RXRA: variants seen among roughly 807,000 people sequenced by gnomAD.
RXRA encodes retinoid X receptor alpha.
In RXRA, 5 loss-of-function variants were observed where a neutral mutation model predicts 44.5. The observed-to-expected ratio is 0.11, with a 90% CI of 0.06 to 0.24. The LOEUF is 0.24. Ranked by LOEUF, RXRA falls within the 10% of genes least tolerant of loss-of-function variation. The pLI is 1.00. For missense variants in RXRA, 412 were observed against 646.5 expected, an observed-to-expected ratio of 0.64 and a Z score of 3.93; for synonymous variants, 291 against 271.4, an observed-to-expected ratio of 1.07 and a Z score of -0.71.
At chr9:134,384,035 T>C (rs774418511) in intron 1 of RXRA, among the ~76,000 whole-genome samples, 1 of 152,146 alleles carries the variant, frequency 6.6e-6, no homozygotes, top group Non-Finnish European at 1.5e-5. Flanking sequence ...GCCTATCTTC[T>C]CCTCACTAGA....
At chr9:134,376,786 A>G (rs1830563417) in intron 1 of RXRA, among the ~76,000 whole-genome samples, 2 of 152,176 alleles carry the variant, frequency 1.3e-5, no homozygotes, top group African/African-American at 4.8e-5. Flanking sequence ...AGCTGAGACC[A>G]GCCAGGGGCG....
intron 1 of RXRA, among the ~76,000 whole-genome samples, chr9:134,329,851 C>T (rs1834975911): frequency 6.6e-6 from 1 of 152,188 alleles, no homozygotes; most frequent in Non-Finnish European, 1.5e-5. Flanking sequence ...GAAAGGGTGC[C>T]TGCAGGATTT....
intron 1 of RXRA, among the ~76,000 whole-genome samples, chr9:134,386,154 C>T (rs1830716774): frequency 6.6e-6 from 1 of 152,244 alleles, no homozygotes; most frequent in African/African-American, 2.4e-5. Flanking sequence ...CAGCTCCAGG[C>T]TGCCTGGAAG....
In RXRA at chr9:134,411,704, C is replaced by T. The variant is rs190739885; in HGVS notation, c.610+2585C>T. On this transcript the variant is annotated intron_variant, in intron 4 of 9. Coordinates refer to ENST00000481739, the MANE Select transcript of RXRA (RefSeq NM_002957.6). ...CGTGAACTTGCAGTCAGAATGCTGCCGAGCGCTCTCGCCCCAAACACAGCT... is the reference window on the plus strand; with the variant it reads ...CGTGAACTTGCAGTCAGAATGCTGCTGAGCGCTCTCGCCCCAAACACAGCT... Among the ~76,000 whole-genome samples, 405 of 152,332 alleles carry T rather than the reference C, an allele frequency of 2.7e-3. 1 individual carries two copies. The highest frequency in any genetic ancestry group is 9.3e-3 in the African/African-American group (386 of 41,566).
chr9:134,411,461 A>G (rs1412406801), intron 4 of RXRA, among the ~76,000 whole-genome samples: 5 of 152,174 alleles, frequency 3.3e-5, no homozygotes, highest in East Asian at 3.9e-4. Flanking sequence ...CACTCGCCCC[A>G]TACCTGTGAG....
At chr9:134,339,656 T>C (rs975439875) in intron 1 of RXRA, among the ~76,000 whole-genome samples, 14 of 148,718 alleles carry the variant, frequency 9.4e-5, no homozygotes, top group Non-Finnish European at 1.6e-4. Flanking sequence ...TCTGTGTGTG[T>C]GCCTGTGTGT....
rs1831247706 is a variant in RXRA at position 134,417,163 on chromosome 9, CAGG to C, written c.622_624del (p.Glu208del). Reference sequence around the variant, plus strand: ...CTGCGCCTCCCGGGTTGTAGCCGTGCAGGAGGAGCGGCAGCGTGGCAAGGACCG... The same window carrying C: ...CTGCGCCTCCCGGGTTGTAGCCGTGCAGGAGCGGCAGCGTGGCAAGGACCG... On this transcript the variant is annotated inframe_deletion, in exon 5 of 10. Coordinates refer to ENST00000481739, the MANE Select transcript of RXRA (RefSeq NM_002957.6). This position sits in a 1 kb window ranked among gnomAD's most constrained non-coding sequence, Gnocchi z 6.1. The C allele has an allele frequency of 6.2e-7, 1 of 1,610,992 alleles. No homozygotes were observed. The highest frequency in any genetic ancestry group is 8.5e-7 in the Non-Finnish European group (1 of 1,179,668).
At chr9:134,393,535 C>G (rs1431181001) in intron 1 of RXRA, among the ~76,000 whole-genome samples, 1 of 152,214 alleles carries the variant, frequency 6.6e-6, no homozygotes, top group African/African-American at 2.4e-5. Flanking sequence ...GGTGGGTGAT[C>G]ATAGCAACGG....
intron 1 of RXRA, 66 bp from the exon 2 acceptor site, chr9:134,401,566 G>A: frequency 6.2e-7 from 1 of 1,602,018 alleles, no homozygotes; most frequent in Non-Finnish European, 8.5e-7. Flanking sequence ...GCTGGGGGGA[G>A]CAGGCATTTG....
At chr9:134,360,313 C>T (rs1038082008) in intron 1 of RXRA, among the ~76,000 whole-genome samples, 2 of 152,162 alleles carry the variant, frequency 1.3e-5, no homozygotes, top group African/African-American at 4.8e-5. Context: ...CAGGGCAGAG[C>T]GAGCAGGAAG....
chr9:134,421,602 C>T (rs888541247), intron 5 of RXRA, 74 bp from the exon 6 acceptor site: 5 of 1,486,134 alleles, frequency 3.4e-6, no homozygotes, highest in Non-Finnish European at 4.5e-6. Flanking sequence ...TGTGGCAGGG[C>T]CTGGTCTGGG....
At chr9:134,406,877 GC>G (rs1831059551) in intron 2 of RXRA, among the ~76,000 whole-genome samples, 1 of 152,356 alleles carries the variant, frequency 6.6e-6, no homozygotes, top group Admixed American at 6.5e-5. Flanking sequence ...GCTTTCTCTT[GC>G]CCCTTCAGTT....
intron 9 of RXRA, among the ~76,000 whole-genome samples, chr9:134,435,443 G>T (rs1329009716): frequency 2.1e-5 from 3 of 141,628 alleles, no homozygotes; most frequent in Non-Finnish European, 3.0e-5. Context: ...GATGGGCCAG[G>T]CCCTGAGGAC....
At chr9:134,421,887 C>G (rs1009698428) in intron 6 of RXRA, 82 bp downstream of exon 6, 3 of 1,559,880 alleles carry the variant, frequency 1.9e-6, no homozygotes, top group Admixed American at 1.9e-5. Context: ...CCGGGATACT[C>G]CGCACTCCCG....
chr9:134,381,956 C>T (rs1016111119), intron 1 of RXRA, among the ~76,000 whole-genome samples: 3 of 152,138 alleles, frequency 2.0e-5, no homozygotes, highest in Admixed American at 1.3e-4. Flanking sequence ...GCAGGTGAAG[C>T]CACCGCTCCC....
chr9:134,374,930 A>G (rs1274242252), intron 1 of RXRA, among the ~76,000 whole-genome samples: 1 of 152,088 alleles, frequency 6.6e-6, no homozygotes, highest in Non-Finnish European at 1.5e-5. Flanking sequence ...GCTATGTGCC[A>G]GGCACTGGCC....
intron 1 of RXRA, among the ~76,000 whole-genome samples, chr9:134,364,131 G>C (rs879571863): frequency 2.6e-5 from 4 of 152,104 alleles, no homozygotes; most frequent in Non-Finnish European, 5.9e-5. Flanking sequence ...CCGTGATGTT[G>C]CCCATTTCTT....
At chr9:134,344,328 G>T (rs1269431034) in intron 1 of RXRA, among the ~76,000 whole-genome samples, 1 of 152,224 alleles carries the variant, frequency 6.6e-6, no homozygotes, top group Non-Finnish European at 1.5e-5. Context: ...GGTCTATCTA[G>T]CCTGGTGTCT....
chr9:134,371,676 T>A (rs1423750494), intron 1 of RXRA, among the ~76,000 whole-genome samples: 1 of 152,122 alleles, frequency 6.6e-6, no homozygotes, highest in African/African-American at 2.4e-5. Context: ...GCCTGGCCCT[T>A]GGGGTATGGA....
Sources: gnomAD v4.1 joint callset for allele counts (sites outside exome capture counted in the v4.1 genomes callset) on GRCh38, gnomAD v4.1.1 for gene constraint, Gnocchi (gnomAD v3.1) non-coding constraint, MANE v1.5 for transcripts, NCBI Gene and HGNC (gene_info 2026-07-23, HGNC 2026-07-21) for gene names.